FAM168A: variants seen among roughly 807,000 people sequenced by gnomAD.
The protein encoded by FAM168A is family with sequence similarity 168 member A, also known as protein FAM168A.
In FAM168A, 3 loss-of-function variants were observed where a neutral mutation model predicts 28.5. That is an observed-to-expected ratio of 0.11 (90% CI 0.05 to 0.27). The LOEUF (loss-of-function observed/expected upper bound fraction) is 0.27. FAM168A is among the 10% of genes least tolerant of loss of function. The pLI, the probability that FAM168A is intolerant of heterozygous loss-of-function variation, is 1.00. For missense variants in FAM168A, 222 were observed against 311.5 expected (o/e 0.71, Z 2.16); for synonymous variants, 122 against 124.2 (o/e 0.98, Z 0.12).
chr11:73,435,903 T>TA (rs1272931465), intron 2 of FAM168A, among the ~76,000 whole-genome samples: 7 of 152,218 alleles, frequency 4.6e-5, no homozygotes, highest in Non-Finnish European at 8.8e-5. Flanking sequence ...GCTAATCAAA[T>TA]AGAGGTTGAG....
intron 1 of FAM168A, among the ~76,000 whole-genome samples, chr11:73,504,156 G>T (rs772926015): frequency 6.6e-6 from 1 of 152,152 alleles, no homozygotes. Context: ...TGACAAATGG[G>T]ATCTAATTAA....
At chr11:73,443,299 A>C (rs1420004849) in intron 2 of FAM168A, among the ~76,000 whole-genome samples, 1 of 152,112 alleles carries the variant, frequency 6.6e-6, no homozygotes, top group East Asian at 1.9e-4. Flanking sequence ...ATAAATACTT[A>C]TTTGAGCACT....
chr11:73,459,615 A>G (rs930034429), intron 2 of FAM168A, among the ~76,000 whole-genome samples: 1 of 152,192 alleles, frequency 6.6e-6, no homozygotes, highest in Admixed American at 6.5e-5. Context: ...AAAATGAGCT[A>G]GCCTAAGGCT....
intron 3 of FAM168A, chr11:73,425,076 TA>T: frequency 6.6e-7 from 1 of 1,516,564 alleles, no homozygotes; most frequent in Non-Finnish European, 8.8e-7. Flanking sequence ...TAGTTGAAAT[TA>T]CCACTAAGAA....
In FAM168A at chr11:73,515,627, A is replaced by G. The variant is rs78122629; in HGVS notation, c.-18-47135T>C. On this transcript the variant is annotated intron_variant, in intron 1 of 7. Coordinates refer to ENST00000356467, the MANE Select transcript of FAM168A (RefSeq NM_015159.3). ...CAACAAAAAAATTTCTAGGGGAGAT[A>G]TAAAAAAAACTATAATCATTCATAA... 9.9e-3 allele frequency among the ~76,000 whole-genome samples: 1,504 copies of G among 152,128 alleles called. 29 individuals carry two copies. Among genetic ancestry groups the G allele is most frequent in the African/African-American group, 0.034 (1,402 of 41,554 alleles).
At chr11:73,594,817 C>T (rs1944426075) in intron 1 of FAM168A, among the ~76,000 whole-genome samples, 1 of 152,208 alleles carries the variant, frequency 6.6e-6, no homozygotes, top group Non-Finnish European at 1.5e-5. Context: ...GCGTGAGCCA[C>T]CACGCCTGGC....
At chr11:73,574,541 A>G (rs1944147429) in intron 1 of FAM168A, among the ~76,000 whole-genome samples, 1 of 152,152 alleles carries the variant, frequency 6.6e-6, no homozygotes, top group African/African-American at 2.4e-5. Context: ...ACATGAAAAT[A>G]TAACATAATG....
At chr11:73,499,956 A>G (rs184769469) in intron 1 of FAM168A, among the ~76,000 whole-genome samples, 53 of 152,308 alleles carry the variant, frequency 3.5e-4, no homozygotes, top group African/African-American at 1.2e-3. Flanking sequence ...ACTCCAGGAT[A>G]TTATCCAGGA....
chr11:73,582,501 G>GA (rs913740860), intron 1 of FAM168A, among the ~76,000 whole-genome samples: 28 of 147,996 alleles, frequency 1.9e-4, no homozygotes, highest in Admixed American at 4.0e-4. Flanking sequence ...CCAGCCTGGG[G>GA]AAAAAAAAAA....
chr11:73,455,003 T>C (rs1867503018), intron 2 of FAM168A, among the ~76,000 whole-genome samples: 1 of 152,354 alleles, frequency 6.6e-6, no homozygotes, highest in African/African-American at 2.4e-5. Flanking sequence ...TTGCACTCGC[T>C]GGTGGAAGGC....
chr11:73,446,021 T>C (rs933321580), intron 2 of FAM168A, among the ~76,000 whole-genome samples: 6 of 152,264 alleles, frequency 3.9e-5, no homozygotes, highest in Admixed American at 2.6e-4. Context: ...TATCTGGCTC[T>C]ATTTCTATGA....
intron 2 of FAM168A, among the ~76,000 whole-genome samples, chr11:73,463,242 T>C (rs1421505445): frequency 2.0e-5 from 3 of 152,174 alleles, no homozygotes; most frequent in Non-Finnish European, 4.4e-5. Context: ...GCTGTCATTA[T>C]AGGTGTGAGC....
chr11:73,459,921 C>G (rs2134561972), intron 2 of FAM168A, among the ~76,000 whole-genome samples: 1 of 132,472 alleles, frequency 7.5e-6, no homozygotes, highest in African/African-American at 3.1e-5. Flanking sequence ...GTCTCTGTTG[C>G]CCAGGCTGGA....
At chr11:73,474,186 T>TG (rs1867855636) in intron 1 of FAM168A, among the ~76,000 whole-genome samples, 1 of 152,130 alleles carries the variant, frequency 6.6e-6, no homozygotes, top group Admixed American at 6.6e-5. Context: ...TAATTAATAA[T>TG]GAACAGAAAT....
At chr11:73,543,990 G>A (rs1180792779) in intron 1 of FAM168A, among the ~76,000 whole-genome samples, 1 of 152,116 alleles carries the variant, frequency 6.6e-6, no homozygotes, top group Non-Finnish European at 1.5e-5. Context: ...AAATTAGCTG[G>A]GTATGGTGGC....
intron 1 of FAM168A, among the ~76,000 whole-genome samples, chr11:73,578,249 AT>A (rs1944199230): frequency 6.6e-6 from 1 of 152,134 alleles, no homozygotes; most frequent in Non-Finnish European, 1.5e-5. Flanking sequence ...ATCTATAGTG[AT>A]AGAAAAGCCG....
chr11:73,574,601 C>T (rs539640388), intron 1 of FAM168A, among the ~76,000 whole-genome samples: 23 of 152,014 alleles, frequency 1.5e-4, no homozygotes, highest in African/African-American at 5.5e-4. Flanking sequence ...TCCCTCTTGT[C>T]GCCCAAGCTG....
chr11:73,533,046 A>C (rs1471450797), intron 1 of FAM168A, among the ~76,000 whole-genome samples: 1 of 152,226 alleles, frequency 6.6e-6, no homozygotes, highest in Non-Finnish European at 1.5e-5. Flanking sequence ...CAAAGGCTAG[A>C]ACAGAGAAAC....
intron 1 of FAM168A, among the ~76,000 whole-genome samples, chr11:73,571,024 G>C (rs1248864026): frequency 6.6e-6 from 1 of 152,016 alleles, no homozygotes; most frequent in African/African-American, 2.4e-5. Flanking sequence ...CTATTCTACT[G>C]TAATACTTAA....
Sources: allele counts gnomAD v4.1 joint callset (sites outside exome capture counted in the v4.1 genomes callset), GRCh38; gene constraint gnomAD v4.1.1; transcripts MANE v1.5; gene names NCBI Gene and HGNC (gene_info 2026-07-23, HGNC 2026-07-21).